Variants in KLHL32 observed in about 807,000 individuals in gnomAD.
KLHL32 encodes the protein kelch-like protein 32.
Under a neutral mutation model 64.8 loss-of-function variants are expected in KLHL32, and 35 were observed. That is an observed-to-expected ratio of 0.54 (90% CI 0.41 to 0.72). The LOEUF (loss-of-function observed/expected upper bound fraction) is 0.72, where lower values mean the gene tolerates loss of function less well. Ranked by LOEUF, KLHL32 falls within the 30% of genes least tolerant of loss-of-function variation. KLHL32 has a pLI of 0.00. For synonymous variants in KLHL32, 259 were observed against 281.0 expected, an observed-to-expected ratio of 0.92 and a Z score of 0.78; for missense variants, 589 against 768.5, an observed-to-expected ratio of 0.77 and a Z score of 2.76.
upstream of KLHL32, among the ~76,000 whole-genome samples, chr6:96,924,212 G>GT (rs1768866869): frequency 1.3e-5 from 2 of 152,330 alleles, no homozygotes; most frequent in South Asian, 4.1e-4. Context: ...AACTTCACAA[G>GT]TTAGCAGAGC....
chr6:97,050,298 G>A (rs558242960), intron 4 of KLHL32, among the ~76,000 whole-genome samples: 1 of 152,232 alleles, frequency 6.6e-6, no homozygotes, highest in Admixed American at 6.5e-5. Flanking sequence ...ATCTGATTTG[G>A]ATGTTGAGAC....
Position 97,006,113 on chromosome 6 carries a change from G to A in KLHL32, c.204+29936G>A, listed in dbSNP as rs189784907. On this transcript the variant is annotated intron_variant, in intron 3 of 10. Coordinates refer to ENST00000369261, the MANE Select transcript of KLHL32 (RefSeq NM_052904.4). ...CTAATACTATCAGTGGAGTGTTTAA[G>A]CCTCTCATTATTATTGTTCAGTTAT... is the stretch of plus-strand genomic sequence containing the variant. Among the ~76,000 whole-genome samples, 9 of 152,142 alleles carry A rather than the reference G, an allele frequency of 5.9e-5. No individual in the cohort carries two copies. In the East Asian group the frequency reaches 1.7e-3, roughly 29 times the overall value.
chr6:96,984,204 T>A (rs1776715331), intron 3 of KLHL32, among the ~76,000 whole-genome samples: 1 of 152,244 alleles, frequency 6.6e-6, no homozygotes, highest in African/African-American at 2.4e-5. Context: ...GTCAGTTTCT[T>A]AATCCTGAGT....
At chr6:97,118,943 A>G (rs1798088994) in intron 7 of KLHL32, among the ~76,000 whole-genome samples, 1 of 152,222 alleles carries the variant, frequency 6.6e-6, no homozygotes, top group Non-Finnish European at 1.5e-5. Context: ...CAGGAAAGGT[A>G]GCACCTAAAA....
intron 3 of KLHL32, among the ~76,000 whole-genome samples, chr6:97,009,993 C>T (rs940387055): frequency 2.6e-5 from 4 of 151,882 alleles, no homozygotes; most frequent in African/African-American, 9.7e-5. Context: ...CAGCCTGCAG[C>T]CTGGAGAACT....
intron 3 of KLHL32, among the ~76,000 whole-genome samples, chr6:96,996,545 A>G (rs1352022806): frequency 1.3e-5 from 2 of 152,148 alleles, no homozygotes; most frequent in East Asian, 1.9e-4. Flanking sequence ...CATACCTACC[A>G]TTTTCTAGAC....
chr6:97,139,103 T>TCTCTTC lies in KLHL32; in HGVS notation c.1702-12_1702-7dup. The TCTCTTC allele has an allele frequency of 6.2e-7, 1 of 1,600,710 alleles. No individual in the cohort carries two copies. Among genetic ancestry groups the TCTCTTC allele is most frequent in the Non-Finnish European group, 8.5e-7 (1 of 1,175,668 alleles). On this transcript the variant is annotated splice_polypyrimidine_tract_variant and intron_variant, in intron 10 of 10. Coordinates refer to ENST00000369261, the MANE Select transcript of KLHL32 (RefSeq NM_052904.4). ...AGTCATCTTTGATACACAAGCTTCT[T>TCTCTTC]CTCTTCCTCTTTTGTAGGTACTGGA...
intron 3 of KLHL32, among the ~76,000 whole-genome samples, chr6:97,038,384 T>C (rs1009637990): frequency 6.6e-6 from 1 of 150,618 alleles, no homozygotes; most frequent in Admixed American, 6.6e-5. Context: ...AAAGAAGATA[T>C]ACAGATGTCC....
At chr6:97,079,855 AC>A (rs973732154) in intron 5 of KLHL32, among the ~76,000 whole-genome samples, 3 of 152,010 alleles carry the variant, frequency 2.0e-5, no homozygotes, top group South Asian at 2.1e-4. Flanking sequence ...CAGAAATGAA[AC>A]CTTTTTAGAA....
At chr6:97,133,764 T>G (rs1799688863) in intron 10 of KLHL32, among the ~76,000 whole-genome samples, 1 of 152,132 alleles carries the variant, frequency 6.6e-6, no homozygotes, top group Non-Finnish European at 1.5e-5. Flanking sequence ...TTCATATAGA[T>G]GAAGTTAAAA....
intron 5 of KLHL32, among the ~76,000 whole-genome samples, 192 bp from the exon 6 acceptor site, chr6:97,084,934 T>A (rs1312920348): frequency 1.3e-5 from 2 of 152,114 alleles, no homozygotes; most frequent in African/African-American, 4.8e-5. Context: ...TGAGGAAAAA[T>A]TATGAATTCT....
In KLHL32 at chr6:96,986,259, G is replaced by A. The variant is rs545273144; in HGVS notation, c.204+10082G>A. Among the ~76,000 whole-genome samples, 17 of 152,282 alleles carry A rather than the reference G, an allele frequency of 1.1e-4. No individual in the cohort carries two copies. The East Asian group carries it at 1.2e-3, about 10-fold the overall frequency. ...TTTTGTCTCAGAGGAGTATCCGGCCGTGTGAGGTGTCAGTCTGCCCCTAAT... is the reference window on the plus strand; with the variant it reads ...TTTTGTCTCAGAGGAGTATCCGGCCATGTGAGGTGTCAGTCTGCCCCTAAT... On this transcript the variant is annotated intron_variant, in intron 3 of 10. Coordinates refer to ENST00000369261, the MANE Select transcript of KLHL32 (RefSeq NM_052904.4).
intron 10 of KLHL32, among the ~76,000 whole-genome samples, chr6:97,134,543 G>A (rs751002598): frequency 3.3e-5 from 5 of 152,114 alleles, no homozygotes; most frequent in Non-Finnish European, 5.9e-5. Context: ...GTTCTCTATA[G>A]TGCTGGAACA....
chr6:96,947,591 C>T (rs1772076337), intron 1 of KLHL32, among the ~76,000 whole-genome samples: 1 of 152,040 alleles, frequency 6.6e-6, no homozygotes, highest in Non-Finnish European at 1.5e-5. Context: ...AATGGCATAC[C>T]TCAATATATA....
At chr6:96,940,152 T>C (rs1245946218) in intron 1 of KLHL32, among the ~76,000 whole-genome samples, 1 of 152,198 alleles carries the variant, frequency 6.6e-6, no homozygotes, top group Non-Finnish European at 1.5e-5. Context: ...TGTGTGATTA[T>C]GGCAATATTA....
At chr6:97,010,126 C>CAAAAAAAAAAAAAAAAA (rs57115555) in intron 3 of KLHL32, 1 of 87,014 alleles carries the variant, frequency 1.1e-5, no homozygotes. Flanking sequence ...ACTGATTTGA[C>CAAAAAAAAAAAAAAAAA]AAAAAAAAAA....
intron 6 of KLHL32, among the ~76,000 whole-genome samples, chr6:97,111,819 G>A (rs1237818342): frequency 6.6e-6 from 1 of 152,146 alleles, no homozygotes; most frequent in East Asian, 1.9e-4. Context: ...AGGGGAGCTG[G>A]AAAGGGGATG....
At chr6:96,955,708 A>T (rs985447311) in intron 1 of KLHL32, among the ~76,000 whole-genome samples, 3 of 152,112 alleles carry the variant, frequency 2.0e-5, no homozygotes, top group African/African-American at 7.2e-5. Context: ...AGGCTGAGGC[A>T]GGCAGATCAT....
intron 3 of KLHL32, among the ~76,000 whole-genome samples, chr6:97,008,916 C>T (rs1780014838): frequency 6.6e-6 from 1 of 151,986 alleles, no homozygotes; most frequent in African/African-American, 2.4e-5. Context: ...CGTCTTGGCT[C>T]CCCAGCCGCA....
Sources: gnomAD v4.1 joint callset for allele counts (sites outside exome capture counted in the v4.1 genomes callset) on GRCh38, gnomAD v4.1.1 for gene constraint, MANE v1.5 for transcripts, NCBI Gene and HGNC (gene_info 2026-07-23, HGNC 2026-07-21) for gene names.